The following ZNF726 variants were observed in gnomAD, a reference collection of about 807,000 sequenced individuals.
The protein encoded by ZNF726 is zinc finger protein 726.
A neutral mutation model predicts 11.6 loss-of-function variants in ZNF726; 15 were observed. The observed-to-expected ratio is 1.29, with a 90% CI of 0.86 to 1.99. ZNF726 has a LOEUF of 1.99. ZNF726 is among the 30% of genes most tolerant of loss of function. The pLI is 0.00. For missense variants in ZNF726, 890 were observed against 725.6 expected, an observed-to-expected ratio of 1.23 and a Z score of -2.60; for synonymous variants, 295 against 243.6, an observed-to-expected ratio of 1.21 and a Z score of -1.96.
intron 3 of ZNF726, chr19:23,928,363 T>G (rs1026291753): frequency 7.2e-5 from 11 of 152,242 alleles, no homozygotes; most frequent in South Asian, 2.1e-4. Context: ...ATTTTTTGTT[T>G]AATGTGAATT....
At chr19:23,925,171 C>T (rs563936944) in intron 3 of ZNF726, among the ~76,000 whole-genome samples, 25 of 151,688 alleles carry the variant, frequency 1.6e-4, no homozygotes, top group Admixed American at 5.2e-4. Context: ...TCAAATGTGA[C>T]GATTTTTTTC....
At chr19:23,921,089 A>C (rs1009409580) in intron 3 of ZNF726, 1 of 152,116 alleles carries the variant, frequency 6.6e-6, no homozygotes, top group African/African-American at 2.4e-5. Context: ...CGAGGTCACG[A>C]ATTTGAGACC....
chr19:23,934,020 A>G lies in ZNF726; in HGVS notation c.*53A>G, dbSNP rs982611689. 7.6e-6 allele frequency: 11 copies of G among 1,442,164 alleles called. No individual in the cohort carries two copies. The African/African-American group carries it at 1.2e-4, about 16-fold the overall frequency. 89.3% of individuals were successfully genotyped at this position (1,442,164 alleles called of 1,614,324 possible). ...TGGCAAAGCATTTATATGGTCCTCA[A>G]CGCTAAACATAAGAGGATGCACACT... On this transcript the variant is annotated 3_prime_UTR_variant, in exon 4 of 4. Coordinates refer to ENST00000594466, the MANE Select transcript of ZNF726 (RefSeq NM_001244038.2).
intron 3 of ZNF726, 109 bp downstream of exon 3, chr19:23,920,191 T>TTTCTCC: frequency 1.4e-6 from 1 of 718,788 alleles, no homozygotes; most frequent in Admixed American, 2.8e-5. Context: ...AAACCGTTTC[T>TTTCTCC]GGAAAGCCTG....
chr19:23,926,569 CAAAAAAAA>C (rs76766569), intron 3 of ZNF726, among the ~76,000 whole-genome samples: 4 of 114,296 alleles, frequency 3.5e-5, no homozygotes, highest in Middle Eastern at 4.3e-3. Context: ...GACTCTGTTC[CAAAAAAAA>C]AAAAAAAAAA....
intron 2 of ZNF726, 42 bp downstream of exon 2, chr19:23,919,541 G>T (rs774213297): frequency 6.5e-7 from 1 of 1,529,142 alleles, no homozygotes; most frequent in Non-Finnish European, 8.7e-7. Flanking sequence ...ATAAACTAAA[G>T]CTTTTATTTT....
chr19:23,926,457 G>A (rs1967989754), intron 3 of ZNF726, among the ~76,000 whole-genome samples: 1 of 151,792 alleles, frequency 6.6e-6, no homozygotes. Context: ...AGGAGGTTGA[G>A]GTGGGAGAAT....
chr19:23,944,399 G>T (rs11672814), intron 4 of ZNF726: 7,586 of 152,182 alleles, frequency 0.05, 297 homozygotes, highest in South Asian at 0.08. Flanking sequence ...TCAAATGGTA[G>T]TTCTATTTAT....
downstream of ZNF726, among the ~76,000 whole-genome samples, chr19:23,938,568 AT>A (rs1968284924): frequency 7.0e-6 from 1 of 142,732 alleles, no homozygotes; most frequent in Non-Finnish European, 1.6e-5. Context: ...TAGAACCATA[AT>A]TTTGTTTGTT....
At chr19:23,925,776 G>A (rs1242308351) in intron 3 of ZNF726, among the ~76,000 whole-genome samples, 1 of 147,582 alleles carries the variant, frequency 6.8e-6, no homozygotes, top group Non-Finnish European at 1.5e-5. Flanking sequence ...AAGTGCAATG[G>A]TGAGATCTCG....
Position 23,933,515 on chromosome 19 carries a change from G to A in ZNF726, c.1399G>A (p.Ala467Thr), listed in dbSNP as rs1486622906. The A allele has an allele frequency of 1.2e-6, 2 of 1,602,600 alleles. No homozygotes were observed. Among genetic ancestry groups the A allele is most frequent in the African/African-American group, 1.4e-5 (1 of 71,688 alleles). ...ECSKAFSRSS[A>T]LTTHKRMHTG... ...TAGTAAAGCATTTAGCCGATCCTCA[G>A]CCCTAACTACACATAAGAGGATGCA... The change falls in exon 4 of 4, where the codon GCC becomes ACC. Residue 467 changes from alanine (A) to threonine (T), a missense_variant. By Grantham distance (58) the Ala-to-Thr change is moderately conservative. Transcript: ENST00000594466.
At chr19:23,919,573 G>A in intron 2 of ZNF726, 74 bp downstream of exon 2, 2 of 1,465,378 alleles carry the variant, frequency 1.4e-6, no homozygotes, top group East Asian at 2.5e-5. Flanking sequence ...ATGTTTTCTG[G>A]TAATTTATGC....
At chr19:23,931,706 T>C (rs1346583406) in intron 3 of ZNF726, among the ~76,000 whole-genome samples, 1 of 152,226 alleles carries the variant, frequency 6.6e-6, no homozygotes, top group Non-Finnish European at 1.5e-5. Flanking sequence ...TTAGGACCTG[T>C]ATTGTCTGAA....
chr19:23,932,556 G>A lies in ZNF726; in HGVS notation c.440G>A (p.Cys147Tyr). ...ACTACCCAGGGCAAAGCTTCTCAAT[G>A]TGGTAAATATTTGAAAGTCTTTTAT... ...FTTTQGKASQ[C>Y]GKYLKVFYKF... Residue 147 changes from cysteine to tyrosine, a missense_variant, in exon 4 of 4, where the codon TGT becomes TAT. Transcript: ENST00000594466. 1 of 1,587,436 alleles carries A rather than the reference G, an allele frequency of 6.3e-7. No homozygotes were observed. The highest frequency in any genetic ancestry group is 8.5e-7 in the Non-Finnish European group (1 of 1,170,334).
chr19:23,932,392 A>C lies in ZNF726; in HGVS notation c.276A>C (p.Glu92Asp). Residue 92 changes from glutamate to aspartate, a missense_variant, in exon 4 of 4, where the codon GAA becomes GAC. Transcript: ENST00000594466. ...AQDIWPEQGV[E>D]DSFQKVILRR... ...ACATTTGGCCAGAGCAGGGCGTGGA[A>C]GATTCTTTTCAAAAAGTAATACTAA... 6.6e-7 allele frequency: 1 copy of C among 1,520,712 alleles called. No homozygotes were observed. Among genetic ancestry groups the C allele is most frequent in the Non-Finnish European group, 8.8e-7 (1 of 1,140,594 alleles). The allele number at this position is 1,520,712 out of a possible 1,614,324, so 94.2% of individuals were successfully genotyped here.
At chr19:23,939,861 G>GTTTTTTTTTT (rs1405429449) in intron 3 of ZNF726, among the ~76,000 whole-genome samples, 5 of 80,134 alleles carry the variant, frequency 6.2e-5, no homozygotes, top group Non-Finnish European at 8.1e-5. Flanking sequence ...TTTTTGATGG[G>GTTTTTTTTTT]ATTTTTTTTT....
At chr19:23,939,882 T>TTTTTTTTTTTTTC (rs1968310143) in intron 3 of ZNF726, among the ~76,000 whole-genome samples, 4 of 149,554 alleles carry the variant, frequency 2.7e-5, no homozygotes, top group African/African-American at 9.9e-5. Context: ...TTTTTTTTTT[T>TTTTTTTTTTTTTC]CTGACTGATT....
At chr19:23,931,204 C>A (rs1367192870) in intron 3 of ZNF726, among the ~76,000 whole-genome samples, 1 of 152,188 alleles carries the variant, frequency 6.6e-6, no homozygotes, top group Non-Finnish European at 1.5e-5. Context: ...GATCTCCTGA[C>A]CTCATGATCC....
At chr19:23,941,372 T>A (rs1177882053) in intron 3 of ZNF726, among the ~76,000 whole-genome samples, 1 of 152,210 alleles carries the variant, frequency 6.6e-6, no homozygotes, top group Non-Finnish European at 1.5e-5. Context: ...GTTGTTGGAT[T>A]TGGTTAGCTA....
Sources: allele counts gnomAD v4.1 joint callset (sites outside exome capture counted in the v4.1 genomes callset), GRCh38; gene constraint gnomAD v4.1.1; transcripts MANE v1.5; gene names NCBI Gene and HGNC (gene_info 2026-07-23, HGNC 2026-07-21).